IQGAP2: variants seen among roughly 807,000 people sequenced by gnomAD.
The protein encoded by IQGAP2 is ras GTPase-activating-like protein IQGAP2.
A neutral mutation model predicts 201.3 loss-of-function variants in IQGAP2; 173 were observed. The ratio of observed to expected loss-of-function variants is 0.86; its 90% CI spans 0.76 to 0.98. IQGAP2 has a LOEUF of 0.98. IQGAP2 is among the 50% of genes least tolerant of loss of function. IQGAP2 has a pLI of 0.00. For synonymous variants in IQGAP2, 675 were observed against 673.9 expected (o/e 1.00, Z -0.03); for missense variants, 1,687 against 1,864.8 (o/e 0.90, Z 1.76).
chr5:76,676,147 T>G (rs1480017046), intron 27 of IQGAP2, among the ~76,000 whole-genome samples: 1 of 151,748 alleles, frequency 6.6e-6, no homozygotes, highest in East Asian at 1.9e-4. Flanking sequence ...TTCCCACATT[T>G]CTCATGAACT....
chr5:76,579,767 T>C (rs1395433621), intron 5 of IQGAP2, among the ~76,000 whole-genome samples: 1 of 152,110 alleles, frequency 6.6e-6, no homozygotes, highest in Non-Finnish European at 1.5e-5. Flanking sequence ...ATTTATCATC[T>C]CAGATCATGT....
rs188138158 is a variant in IQGAP2, at chr5:76,541,083, C to T, written c.147-21313C>T. 3.9e-5 allele frequency among the ~76,000 whole-genome samples: 6 copies of T among 152,140 alleles called. 1 individual carries two copies. In the East Asian group the frequency reaches 1.2e-3, roughly 29 times the overall value. On this transcript the variant is annotated intron_variant, in intron 2 of 35. Coordinates refer to ENST00000274364, the MANE Select transcript of IQGAP2 (RefSeq NM_006633.5). ...CATTTTTAAATGGACAATCTAGTGG[C>T]ATTAAGTACATTTACAACATTGTGC...
intron 2 of IQGAP2, among the ~76,000 whole-genome samples, chr5:76,512,365 G>A (rs1037858336): frequency 3.9e-5 from 6 of 152,182 alleles, no homozygotes; most frequent in African/African-American, 1.4e-4. Context: ...TAGGAGGATT[G>A]GGAGCTTCAC....
At chr5:76,631,245 G>C (rs995323758) in intron 14 of IQGAP2, among the ~76,000 whole-genome samples, 2 of 152,152 alleles carry the variant, frequency 1.3e-5, no homozygotes, top group Non-Finnish European at 2.9e-5. Context: ...AGGCAACCAA[G>C]AGTTTAATGT....
At chr5:76,457,127 T>C (rs1464898163) in intron 1 of IQGAP2, among the ~76,000 whole-genome samples, 3 of 152,090 alleles carry the variant, frequency 2.0e-5, no homozygotes, top group Non-Finnish European at 1.5e-5. Context: ...GCTGAGACTA[T>C]AGGCTTGCAC....
At chr5:76,485,311 C>G (rs1756053023) in intron 2 of IQGAP2, among the ~76,000 whole-genome samples, 1 of 152,132 alleles carries the variant, frequency 6.6e-6, no homozygotes, top group Non-Finnish European at 1.5e-5. Flanking sequence ...TAAAGATTTA[C>G]TAAACAACAT....
At chr5:76,552,314 CT>C (rs1743615180) in intron 2 of IQGAP2, among the ~76,000 whole-genome samples, 1 of 152,212 alleles carries the variant, frequency 6.6e-6, no homozygotes, top group Admixed American at 6.5e-5. Flanking sequence ...CACTGTCACT[CT>C]TTAGGGAGTG....
chr5:76,439,289 C>T (rs1346877978), intron 1 of IQGAP2, among the ~76,000 whole-genome samples: 1 of 152,146 alleles, frequency 6.6e-6, no homozygotes, highest in Non-Finnish European at 1.5e-5. Flanking sequence ...GAGAATGTTT[C>T]ATGTGTTGAG....
intron 1 of IQGAP2, among the ~76,000 whole-genome samples, chr5:76,448,091 G>A (rs1370487291): frequency 2.6e-5 from 4 of 152,158 alleles, no homozygotes; most frequent in African/African-American, 4.8e-5. Flanking sequence ...TAAGGGTAGC[G>A]TGGCTGGTAA....
At chr5:76,587,852 A>C (rs1030765040) in intron 5 of IQGAP2, among the ~76,000 whole-genome samples, 2 of 151,820 alleles carry the variant, frequency 1.3e-5, no homozygotes, top group Admixed American at 1.3e-4. Context: ...AAGCTGAGGC[A>C]GGAGAATCGC....
intron 32 of IQGAP2, 85 bp downstream of exon 32, chr5:76,695,751 C>T (rs1449623759): frequency 5.9e-6 from 6 of 1,023,240 alleles, no homozygotes; most frequent in Non-Finnish European, 4.5e-6. Flanking sequence ...TGTGAGGTGG[C>T]ATTAGGGATT....
chr5:76,449,799 G>A (rs1753617123), intron 1 of IQGAP2, among the ~76,000 whole-genome samples: 1 of 152,168 alleles, frequency 6.6e-6, no homozygotes, highest in African/African-American at 2.4e-5. Flanking sequence ...TATCTCCTCT[G>A]GTCTGCAGCT....
At chr5:76,489,293 A>G (rs1474009297) in intron 2 of IQGAP2, among the ~76,000 whole-genome samples, 1 of 151,670 alleles carries the variant, frequency 6.6e-6, no homozygotes, top group Non-Finnish European at 1.5e-5. Context: ...CCTGATTACA[A>G]CTCTATAGTT....
chr5:76,640,016 T>C (rs1751442225), intron 16 of IQGAP2, among the ~76,000 whole-genome samples: 1 of 152,230 alleles, frequency 6.6e-6, no homozygotes, highest in Admixed American at 6.5e-5. Context: ...TCCCAAGATA[T>C]ACCCCAGGTA....
intron 2 of IQGAP2, among the ~76,000 whole-genome samples, chr5:76,490,732 G>A (rs891144831): frequency 1.3e-5 from 2 of 152,014 alleles, no homozygotes; most frequent in African/African-American, 4.8e-5. Flanking sequence ...AAATTTTTCA[G>A]CTGGATACCA....
intron 16 of IQGAP2, among the ~76,000 whole-genome samples, chr5:76,639,310 T>C (rs1751383200): frequency 6.6e-6 from 1 of 152,246 alleles, no homozygotes; most frequent in African/African-American, 2.4e-5. Context: ...TAGTCTAGTA[T>C]GTTTTCCACT....
intron 17 of IQGAP2, among the ~76,000 whole-genome samples, chr5:76,642,927 C>T (rs113784378): frequency 0.017 from 2,546 of 152,042 alleles, 74 homozygotes; most frequent in African/African-American, 0.057. Flanking sequence ...TGGGAGGTGC[C>T]CAGGTCAATA....
chr5:76,668,548 A>T (rs1199681485), intron 22 of IQGAP2, 133 bp from the exon 23 acceptor site: 2 of 661,178 alleles, frequency 3.0e-6, no homozygotes, highest in East Asian at 2.9e-5. Flanking sequence ...TATTTTATAT[A>T]CTCATCTATA....
intron 4 of IQGAP2, among the ~76,000 whole-genome samples, chr5:76,573,955 A>G (rs1273661553): frequency 6.6e-6 from 1 of 152,024 alleles, no homozygotes; most frequent in African/African-American, 2.4e-5. Flanking sequence ...TTTAGTAGCA[A>G]ATGCATTAAA....
Sources: allele counts gnomAD v4.1 joint callset (sites outside exome capture counted in the v4.1 genomes callset), GRCh38; gene constraint gnomAD v4.1.1; transcripts MANE v1.5; gene names NCBI Gene and HGNC (gene_info 2026-07-23, HGNC 2026-07-21).